Variants in ITPR2 observed in about 807,000 individuals in gnomAD.
ITPR2 encodes the protein inositol 1,4,5-trisphosphate receptor type 2, also known as inositol 1,4,5-trisphosphate-gated calcium channel ITPR2.
Under a neutral mutation model 317.1 loss-of-function variants are expected in ITPR2, and 207 were observed. The observed-to-expected ratio is 0.65, with a 90% CI of 0.58 to 0.73. ITPR2 has a LOEUF of 0.73. Among genes scored for constraint, ITPR2 ranks in the 30% least tolerant of loss-of-function variants. The probability of loss-of-function intolerance (pLI) is 0.00; values close to 1 mark genes in which losing one functional copy is unlikely to be tolerated. For missense variants in ITPR2, 2,613 were observed against 3,284.0 expected (o/e 0.80, Z 4.99); for synonymous variants, 1,156 against 1,149.1 (o/e 1.01, Z -0.12).
intron 13 of ITPR2, among the ~76,000 whole-genome samples, chr12:26,675,117 A>G (rs1399304039): frequency 1.3e-5 from 2 of 152,050 alleles, no homozygotes; most frequent in Non-Finnish European, 2.9e-5. Flanking sequence ...AACTAGTTCA[A>G]CCATTGTGGA....
chr12:26,819,055 A>C (rs1268665503), intron 1 of ITPR2, among the ~76,000 whole-genome samples: 2 of 152,358 alleles, frequency 1.3e-5, no homozygotes, highest in East Asian at 1.9e-4. Context: ...TTCTAAAGAT[A>C]TTACATTTTT....
intron 52 of ITPR2, among the ~76,000 whole-genome samples, chr12:26,401,624 A>G (rs747962353): frequency 1.6e-4 from 25 of 152,226 alleles, no homozygotes; most frequent in Non-Finnish European, 3.2e-4. Flanking sequence ...CTACAAGGTT[A>G]AAGAACCACA....
intron 21 of ITPR2, among the ~76,000 whole-genome samples, chr12:26,633,894 T>C (rs1170224626): frequency 6.6e-6 from 1 of 152,264 alleles, no homozygotes; most frequent in East Asian, 1.9e-4. Flanking sequence ...CCACAGTGTC[T>C]GCATCTTATT....
chr12:26,580,133 C>G lies in ITPR2; in HGVS notation c.4403G>C (p.Arg1468Thr). The G allele has an allele frequency of 6.2e-7, 1 of 1,612,056 alleles. No homozygotes were observed. Among genetic ancestry groups the G allele is most frequent in the Non-Finnish European group, 8.5e-7 (1 of 1,178,622 alleles). The change falls in exon 33 of 57, where the codon AGG becomes ACG. Residue 1468 changes from arginine (R) to threonine (T), a missense_variant. By Grantham distance (71) the Arg-to-Thr change is moderately conservative (BLOSUM62 -1). This residue lies in a region of ITPR2 where 926 missense variants were observed against 1,072.8 expected (regional missense o/e 0.86). Transcript: ENST00000381340. ...MARVCNTTTD[R>T]KHADIFLEKC... ...TTCCAAAAAGATGTCTGCATGTTTC[C>G]TGTCTGTAGTTGTGTTGCAAACCTG...
chr12:26,586,934 C>T (rs1945544974), intron 32 of ITPR2, among the ~76,000 whole-genome samples: 1 of 151,992 alleles, frequency 6.6e-6, no homozygotes, highest in Non-Finnish European at 1.5e-5. Flanking sequence ...GAAATATTTA[C>T]TGTTTTGCTG....
chr12:26,763,483 T>G (rs1009244934), intron 2 of ITPR2, among the ~76,000 whole-genome samples: 3 of 152,098 alleles, frequency 2.0e-5, no homozygotes, highest in African/African-American at 7.2e-5. Flanking sequence ...TGATAAATGA[T>G]AAAACTAAAG....
At chr12:26,351,120 G>C (rs1289337509) in intron 55 of ITPR2, among the ~76,000 whole-genome samples, 1 of 152,236 alleles carries the variant, frequency 6.6e-6, no homozygotes, top group Non-Finnish European at 1.5e-5. Flanking sequence ...ACTCTAGGAT[G>C]AGTGACCACC....
Position 26,483,878 on chromosome 12 carries a change from G to A in ITPR2, c.5832C>T (p.Asn1944=). The change falls in exon 42 of 57, where the codon AAC becomes AAT. Residue 1944 remains asparagine, a synonymous_variant. Transcript: ENST00000381340. ...AGACTAGGTTGTAATTTGTTTTGTT[G>A]TTTTGATTCCTCAAGAAGTTCTGAA... ...RELQNFLRNQ[N]NKTNYNLVCE... The A allele has an allele frequency of 1.9e-6, 3 of 1,614,020 alleles. No homozygotes were observed. Among genetic ancestry groups the A allele is most frequent in the Non-Finnish European group, 2.5e-6 (3 of 1,179,922 alleles).
chr12:26,578,629 G>A, intron 34 of ITPR2, 84 bp downstream of exon 34: 1 of 1,223,734 alleles, frequency 8.2e-7, no homozygotes, highest in South Asian at 1.6e-5. Flanking sequence ...TTGTAAATTG[G>A]GAAGCTGCTT....
At chr12:26,446,678 T>C (rs1176152897) in intron 45 of ITPR2, among the ~76,000 whole-genome samples, 1 of 148,794 alleles carries the variant, frequency 6.7e-6, no homozygotes, top group African/African-American at 2.5e-5. Context: ...CTTAATGACA[T>C]GATTCTGCAT....
intron 51 of ITPR2, among the ~76,000 whole-genome samples, chr12:26,411,636 T>C (rs983700605): frequency 6.6e-6 from 1 of 152,244 alleles, no homozygotes; most frequent in Admixed American, 6.5e-5. Flanking sequence ...AAAAGCCTTT[T>C]ATACCTTTTT....
At chr12:26,721,403 T>C (rs1303080000) in intron 5 of ITPR2, 1 of 509,180 alleles carries the variant, frequency 2.0e-6, no homozygotes, top group African/African-American at 2.0e-5. Flanking sequence ...GATAAAGACA[T>C]TCCTAAGACA....
intron 8 of ITPR2, among the ~76,000 whole-genome samples, chr12:26,711,945 C>T (rs1211435066): frequency 1.3e-5 from 2 of 152,160 alleles, no homozygotes; most frequent in African/African-American, 4.8e-5. Context: ...TTATTGACAG[C>T]ATGTCTTTTG....
chr12:26,465,770 G>T (rs1942157366), intron 45 of ITPR2, among the ~76,000 whole-genome samples: 1 of 152,074 alleles, frequency 6.6e-6, no homozygotes, highest in Non-Finnish European at 1.5e-5. Context: ...CTCCATGGGG[G>T]TAGAGATGAT....
chr12:26,370,940 T>A (rs968025069), intron 55 of ITPR2, among the ~76,000 whole-genome samples: 1 of 152,256 alleles, frequency 6.6e-6, no homozygotes, highest in African/African-American at 2.4e-5. Flanking sequence ...CCCAAAGTGC[T>A]GGGATTACAG....
intron 50 of ITPR2, among the ~76,000 whole-genome samples, 199 bp downstream of exon 50, chr12:26,418,850 C>A (rs1940802616): frequency 6.6e-6 from 1 of 152,164 alleles, no homozygotes; most frequent in Admixed American, 6.5e-5. Context: ...ATAAAGAACT[C>A]CACCACCTGT....
chr12:26,430,855 A>G (rs1047151066), intron 48 of ITPR2, among the ~76,000 whole-genome samples: 2 of 152,142 alleles, frequency 1.3e-5, no homozygotes, highest in African/African-American at 2.4e-5. Context: ...TGTACAGAAC[A>G]TGCTGCTTCT....
At chr12:26,581,846 T>A (rs1040341071) in intron 32 of ITPR2, among the ~76,000 whole-genome samples, 1 of 152,150 alleles carries the variant, frequency 6.6e-6, no homozygotes, top group African/African-American at 2.4e-5. Context: ...GCAGACCAAT[T>A]CCATCATAAC....
chr12:26,447,706 A>G (rs903168813), intron 45 of ITPR2, among the ~76,000 whole-genome samples: 12 of 152,102 alleles, frequency 7.9e-5, no homozygotes, highest in African/African-American at 2.9e-4. Context: ...CAAAAGGATT[A>G]AGGAATATCT....
Sources: allele counts gnomAD v4.1 joint callset (sites outside exome capture counted in the v4.1 genomes callset), GRCh38; gene constraint gnomAD v4.1.1; regional missense constraint gnomAD v4.1.1; transcripts MANE v1.5; gene names NCBI Gene and HGNC (gene_info 2026-07-23, HGNC 2026-07-21).